The following GRM5 variants were observed in gnomAD, a reference collection of about 807,000 sequenced individuals.
The protein encoded by GRM5 is glutamate metabotropic receptor 5, also known as metabotropic glutamate receptor 5.
A neutral mutation model predicts 83.1 loss-of-function variants in GRM5; 19 were observed. That is an observed-to-expected ratio of 0.23 (90% confidence interval 0.16 to 0.34). The LOEUF is 0.34. GRM5 is among the 10% of genes least tolerant of loss of function. The pLI is 1.00. For missense variants in GRM5, 1,160 were observed against 1,588.3 expected (o/e 0.73, Z 4.58); for synonymous variants, 675 against 633.6 (o/e 1.07, Z -0.98).
Position 88,506,988 on chromosome 11 carries a change from A to C in GRM5, c.*1604T>G, listed in dbSNP as rs1440382402. On this transcript the variant is annotated 3_prime_UTR_variant, in exon 10 of 10. Transcript: ENST00000305447. ...TAAGGCTGGGTCAACTGAACTTTAA[A>C]TTTATAGGACACCTCCTCCATTTAT... The C allele has an allele frequency of 6.9e-6, 1 of 144,170 alleles. No homozygotes were observed. The highest frequency in any genetic ancestry group is 1.5e-5 in the Non-Finnish European group (1 of 67,990). The allele number at this position is 144,170 out of a possible 1,614,324, so 8.9% of individuals were successfully genotyped here. A position where few individuals can be genotyped will look rare whatever the true frequency, so the allele number is the denominator to read the frequency against.
chr11:88,652,059 C>T (rs976028583), intron 4 of GRM5, among the ~76,000 whole-genome samples: 2 of 151,934 alleles, frequency 1.3e-5, no homozygotes, highest in African/African-American at 2.4e-5. Context: ...GATTTCAAGC[C>T]CACTGCCCCA....
At chr11:88,971,731 C>A (rs1021423724) in intron 2 of GRM5, among the ~76,000 whole-genome samples, 1 of 152,050 alleles carries the variant, frequency 6.6e-6, no homozygotes, top group African/African-American at 2.4e-5. Flanking sequence ...GTGAATAGTG[C>A]ATAAATAGAT....
intron 4 of GRM5, among the ~76,000 whole-genome samples, chr11:88,634,606 C>T (rs899509863): frequency 9.9e-5 from 15 of 152,282 alleles, no homozygotes; most frequent in South Asian, 8.3e-4. Flanking sequence ...CAATAACACA[C>T]GGAGCTGTTA....
intron 4 of GRM5, among the ~76,000 whole-genome samples, chr11:88,628,073 C>T (rs992579180): frequency 2.1e-4 from 32 of 151,998 alleles, no homozygotes; most frequent in African/African-American, 7.0e-4. Flanking sequence ...GCTTGAAATA[C>T]TCTGCCTCCA....
chr11:88,864,318 A>G (rs140995581), intron 2 of GRM5, among the ~76,000 whole-genome samples: 107 of 151,882 alleles, frequency 7.0e-4, no homozygotes, highest in Middle Eastern at 3.4e-3. Flanking sequence ...CTACACTGGC[A>G]ATAATAGGTT....
intron 4 of GRM5, among the ~76,000 whole-genome samples, chr11:88,612,613 A>G (rs1181181382): frequency 6.6e-6 from 1 of 152,030 alleles, no homozygotes; most frequent in Non-Finnish European, 1.5e-5. Flanking sequence ...ATTTCTCCAC[A>G]TCCTCTCCAG....
Position 88,597,367 on chromosome 11 carries a change from TATGATAATTATGC to T in GRM5, c.1395-28_1395-16del. On this transcript the variant is annotated splice_polypyrimidine_tract_variant and intron_variant, in intron 5 of 9. Coordinates refer to ENST00000305447, the MANE Select transcript of GRM5 (RefSeq NM_001143831.3). ...TTATTTCATACCTTAGGAATAAGAA[TATGATAATTATGC>T]AGCTTAAGATGTAAATACTCAGCTT... is the stretch of plus-strand genomic sequence containing the variant. The T allele has an allele frequency of 7.7e-7, 1 of 1,303,318 alleles. No homozygotes were observed. The highest frequency in any genetic ancestry group is 2.3e-5 in the East Asian group (1 of 42,928). The allele number at this position is 1,303,318 out of a possible 1,614,324, so 80.7% of individuals were successfully genotyped here. A position where few individuals can be genotyped will look rare whatever the true frequency, so the allele number is the denominator to read the frequency against.
intron 8 of GRM5, among the ~76,000 whole-genome samples, chr11:88,555,735 TG>T (rs1422359347): frequency 6.6e-6 from 1 of 152,156 alleles, no homozygotes; most frequent in East Asian, 1.9e-4. Context: ...ACCTGAGAGA[TG>T]CTGTGACTAT....
At chr11:88,875,779 T>A (rs1233637327) in intron 2 of GRM5, among the ~76,000 whole-genome samples, 1 of 152,082 alleles carries the variant, frequency 6.6e-6, no homozygotes, top group Non-Finnish European at 1.5e-5. Flanking sequence ...GGGTGCATTG[T>A]CATAAAGCAG....
chr11:88,849,402 T>C (rs2135539468), intron 3 of GRM5, among the ~76,000 whole-genome samples: 1 of 152,284 alleles, frequency 6.6e-6, no homozygotes, highest in East Asian at 1.9e-4. Flanking sequence ...TGGTATCTTG[T>C]CTAGAAACAA....
chr11:88,772,239 CA>C (rs1284713087), intron 3 of GRM5, among the ~76,000 whole-genome samples: 5 of 151,682 alleles, frequency 3.3e-5, no homozygotes, highest in South Asian at 2.1e-4. Context: ...AAAATGAAAG[CA>C]AAAAAATGTA....
intron 8 of GRM5, among the ~76,000 whole-genome samples, chr11:88,548,764 G>A (rs1942436492): frequency 6.6e-6 from 1 of 152,212 alleles, no homozygotes; most frequent in Non-Finnish European, 1.5e-5. Flanking sequence ...CACTTGGAAA[G>A]TTGACTTATT....
rs1431040172 is a variant in GRM5, at chr11:88,653,187, T to C, written c.1128A>G (p.Lys376=). Residue 376 remains lysine (K), a synonymous_variant, in exon 4 of 10, where the codon AAA becomes AAG. Coordinates refer to ENST00000305447, the MANE Select transcript of GRM5 (RefSeq NM_001143831.3). ...GCTTACTATTGCAAGTCTTGTTGTA[T>C]TTGCTGTTCTCCTGTGGAAACCCTT... ...RLEGFPQENS[K]YNKTCNSSLT... 7 of 1,600,442 alleles carry C rather than the reference T, an allele frequency of 4.4e-6. No homozygotes were observed. Among genetic ancestry groups the C allele is most frequent in the African/African-American group, 1.3e-5 (1 of 74,598 alleles).
intron 2 of GRM5, among the ~76,000 whole-genome samples, chr11:88,907,363 C>G (rs1354938226): frequency 6.6e-6 from 1 of 152,074 alleles, no homozygotes; most frequent in South Asian, 2.1e-4. Flanking sequence ...TCCATGCCCC[C>G]ACTCTGTCCA....
intron 2 of GRM5, among the ~76,000 whole-genome samples, chr11:88,901,152 T>A (rs1001742955): frequency 1.3e-5 from 2 of 152,120 alleles, no homozygotes; most frequent in African/African-American, 4.8e-5. Context: ...GGGTAACTTG[T>A]GAGATCCGTG....
intron 3 of GRM5, among the ~76,000 whole-genome samples, chr11:88,747,076 C>G (rs961641450): frequency 2.0e-5 from 3 of 152,142 alleles, no homozygotes; most frequent in African/African-American, 7.2e-5. Context: ...ACCCCGTTAT[C>G]CAATTATTTT....
intron 2 of GRM5, among the ~76,000 whole-genome samples, chr11:89,003,031 A>G (rs1309410346): frequency 2.0e-5 from 3 of 152,144 alleles, no homozygotes; most frequent in East Asian, 1.9e-4. Context: ...CACTATCCCA[A>G]AAATTTTTCT....
chr11:88,712,200 A>AATAT (rs1376529806), intron 3 of GRM5, among the ~76,000 whole-genome samples: 7 of 152,098 alleles, frequency 4.6e-5, no homozygotes, highest in African/African-American at 1.7e-4. Context: ...GAGATTCAGT[A>AATAT]ATATATTGTA....
chr11:88,920,855 C>A (rs1401881648), intron 2 of GRM5, among the ~76,000 whole-genome samples: 1 of 152,260 alleles, frequency 6.6e-6, no homozygotes, highest in South Asian at 2.1e-4. Flanking sequence ...ACCTGCCTCA[C>A]CTCACATTAC....
Sources: allele counts gnomAD v4.1 joint callset (sites outside exome capture counted in the v4.1 genomes callset), GRCh38; gene constraint gnomAD v4.1.1; transcripts MANE v1.5; gene names NCBI Gene and HGNC (gene_info 2026-07-23, HGNC 2026-07-21).